Variants in HORMAD2 observed in about 807,000 individuals in gnomAD.
HORMAD2 encodes the protein HORMA domain-containing protein 2.
Under a neutral mutation model 38.8 loss-of-function variants are expected in HORMAD2, and 45 were observed. The ratio of observed to expected loss-of-function variants is 1.16; its 90% CI spans 0.91 to 1.49. HORMAD2 has a LOEUF of 1.49. HORMAD2 is among the 40% of genes most tolerant of loss of function. The probability of loss-of-function intolerance (pLI) is 0.00; values close to 1 mark genes in which losing one functional copy is unlikely to be tolerated. For missense variants in HORMAD2, 338 were observed against 367.0 expected (o/e 0.92, Z 0.65); for synonymous variants, 126 against 122.8 (o/e 1.03, Z -0.17).
At chr22:30,080,460 C>T (rs2068448962), upstream of HORMAD2, 1 of 152,380 alleles carries the variant, frequency 6.6e-6, no homozygotes, top group Non-Finnish European at 1.5e-5. Context: ...GGCCGTTGAC[C>T]CCCGGTGGGA....
chr22:30,110,359 T>A (rs530750085), intron 5 of HORMAD2, among the ~76,000 whole-genome samples: 1 of 150,744 alleles, frequency 6.6e-6, no homozygotes, highest in East Asian at 1.9e-4. Flanking sequence ...TGCAAAAAAA[T>A]TGCTATCGAA....
downstream of HORMAD2, among the ~76,000 whole-genome samples, chr22:30,178,374 G>T (rs1014213880): frequency 6.6e-6 from 1 of 152,194 alleles, no homozygotes; most frequent in Non-Finnish European, 1.5e-5. Flanking sequence ...TGTTTCTGAG[G>T]CAGTGTGTAT....
At chr22:30,136,823 T>A in intron 10 of HORMAD2, 1 of 255,784 alleles carries the variant, frequency 3.9e-6, no homozygotes, top group Non-Finnish European at 7.8e-6. Flanking sequence ...TTATTTTTAC[T>A]TTCCTAATGA....
At chr22:30,112,132 T>G (rs1921709981) in intron 6 of HORMAD2, among the ~76,000 whole-genome samples, 1 of 152,160 alleles carries the variant, frequency 6.6e-6, no homozygotes, top group Admixed American at 6.5e-5. Flanking sequence ...TTTGAAATTT[T>G]GTATACCTCT....
At chr22:30,179,436 A>G (rs1021973869), downstream of HORMAD2, among the ~76,000 whole-genome samples, 2 of 152,218 alleles carry the variant, frequency 1.3e-5, no homozygotes, top group Non-Finnish European at 2.9e-5. Flanking sequence ...GACTTGATAC[A>G]TAATTTCCAG....
chr22:30,099,086 T>C (rs1359013654), intron 3 of HORMAD2, 93 bp downstream of exon 3: 2 of 1,141,172 alleles, frequency 1.8e-6, no homozygotes, highest in South Asian at 2.0e-5. Context: ...GTGTGCTAAT[T>C]CCAACTTAAG....
intron 1 of HORMAD2, among the ~76,000 whole-genome samples, chr22:30,086,784 G>GAT (rs150147330): frequency 0.012 from 1,803 of 149,556 alleles, 23 homozygotes; most frequent in Admixed American, 0.027. Flanking sequence ...ACACATTTGA[G>GAT]ATATATATAT....
chr22:30,122,673 T>C (rs1311236865), intron 10 of HORMAD2, among the ~76,000 whole-genome samples: 2 of 152,146 alleles, frequency 1.3e-5, no homozygotes, highest in African/African-American at 2.4e-5. Context: ...CTTCTGGTTA[T>C]GTGGAGGAAG....
At chr22:30,205,944 C>A in the HORMAD2 span, among the ~76,000 whole-genome samples, 1 of 152,068 alleles carries the variant, frequency 6.6e-6, no homozygotes, top group South Asian at 2.1e-4. Context: ...TCCTGTGGGA[C>A]GAAGCAAGGG....
the HORMAD2 span, among the ~76,000 whole-genome samples, chr22:30,189,752 A>G: frequency 3.8e-4 from 58 of 152,202 alleles, no homozygotes; most frequent in African/African-American, 1.3e-3. Context: ...CAGTTAGCTT[A>G]AGCTGTGAAC....
chr22:30,172,478 T>C (rs1248729087), intron 10 of HORMAD2, among the ~76,000 whole-genome samples: 1 of 152,224 alleles, frequency 6.6e-6, no homozygotes, highest in African/African-American at 2.4e-5. Context: ...TAGAGATATG[T>C]TTTTAGTGCC....
chr22:30,179,250 A>G (rs570486900), downstream of HORMAD2, among the ~76,000 whole-genome samples: 7 of 152,344 alleles, frequency 4.6e-5, no homozygotes, highest in African/African-American at 1.7e-4. Context: ...ATGAAACTGA[A>G]CACACTATGC....
intron 1 of HORMAD2, among the ~76,000 whole-genome samples, chr22:30,084,948 A>G (rs905556184): frequency 6.6e-6 from 1 of 152,020 alleles, no homozygotes; most frequent in Non-Finnish European, 1.5e-5. Flanking sequence ...GTTCGAGACC[A>G]TCGTCGCTAA....
chr22:30,117,640 C>T (rs565340259), intron 7 of HORMAD2, among the ~76,000 whole-genome samples: 4 of 152,232 alleles, frequency 2.6e-5, no homozygotes, highest in South Asian at 4.1e-4. Context: ...TCCTGAGTAG[C>T]TGGGATTACA....
At chr22:30,207,325 A>T in the HORMAD2 span, among the ~76,000 whole-genome samples, 3 of 152,014 alleles carry the variant, frequency 2.0e-5, no homozygotes, top group African/African-American at 7.3e-5. Context: ...AGGCCCAGAC[A>T]CTCCGTGCCC....
Position 30,085,430 on chromosome 22 carries a change from T to C in HORMAD2, c.-38+4939T>C, listed in dbSNP as rs530444285. Reference sequence around the variant, plus strand: ...AGATGGTTGCAGAATTTTGTGAATATACTAAAACCCACTGAATTATACCTA... The same window carrying C: ...AGATGGTTGCAGAATTTTGTGAATACACTAAAACCCACTGAATTATACCTA... On this transcript the variant is annotated intron_variant, in intron 1 of 10. Transcript: ENST00000336726. Among the ~76,000 whole-genome samples the C allele has an allele frequency of 1.3e-3, 195 of 152,262 alleles. 1 individual carries two copies. The highest frequency in any genetic ancestry group is 4.6e-3 in the African/African-American group (190 of 41,546).
chr22:30,183,421 C>T, the HORMAD2 span, among the ~76,000 whole-genome samples: 1 of 152,166 alleles, frequency 6.6e-6, no homozygotes, highest in African/African-American at 2.4e-5. Flanking sequence ...TTTCGTGTTA[C>T]AGGCCTGCAT....
intron 10 of HORMAD2, among the ~76,000 whole-genome samples, chr22:30,148,453 GGTT>G (rs1924552791): frequency 6.6e-6 from 1 of 152,004 alleles, no homozygotes; most frequent in African/African-American, 2.4e-5. Flanking sequence ...TGATTGTGGT[GGTT>G]GTTTCAAGGA....
chr22:30,139,042 G>A (rs1333131775), intron 10 of HORMAD2, among the ~76,000 whole-genome samples: 1 of 151,536 alleles, frequency 6.6e-6, no homozygotes, highest in Non-Finnish European at 1.5e-5. Flanking sequence ...CTGAGCGGGA[G>A]GGAATGCTCC....
Sources: gnomAD v4.1 joint callset for allele counts (sites outside exome capture counted in the v4.1 genomes callset) on GRCh38, gnomAD v4.1.1 for gene constraint, MANE v1.5 for transcripts, NCBI Gene and HGNC (gene_info 2026-07-23, HGNC 2026-07-21) for gene names.